DCUN1D3: variants seen among roughly 807,000 people sequenced by gnomAD.
The protein encoded by DCUN1D3 is defective in cullin neddylation 1 domain containing 3.
In DCUN1D3, 6 loss-of-function variants were observed where a neutral mutation model predicts 24.8. The ratio of observed to expected loss-of-function variants is 0.24; its 90% confidence interval spans 0.13 to 0.48. The LOEUF (loss-of-function observed/expected upper bound fraction) is 0.48. Among genes scored for constraint, DCUN1D3 ranks in the 20% least tolerant of loss-of-function variants. The pLI, the probability that DCUN1D3 is intolerant of heterozygous loss-of-function variation, is 0.99. For missense variants in DCUN1D3, 258 were observed against 379.4 expected (o/e 0.68, Z 2.66); for synonymous variants, 120 against 144.9 (o/e 0.83, Z 1.24).
At chr16:20,878,989 C>T (rs1442018353) in intron 1 of DCUN1D3, among the ~76,000 whole-genome samples, 3 of 152,192 alleles carry the variant, frequency 2.0e-5, no homozygotes, top group Admixed American at 6.5e-5. Flanking sequence ...TTCTGCTTAA[C>T]CATGTGAAAC....
Position 20,855,296 on chromosome 16 carries a change from A to T in DCUN1D3, c.*4590T>A, listed in dbSNP as rs1409615620. The T allele has an allele frequency of 1.3e-5, 2 of 152,272 alleles. No individual in the cohort carries two copies. Among genetic ancestry groups the T allele is most frequent in the African/African-American group, 4.8e-5 (2 of 41,464 alleles). 9.4% of individuals were successfully genotyped at this position (152,272 alleles called of 1,614,324 possible). ...CCTTTAAAACCTAGTCATATTCATT[A>T]GTGCAACAGGTAAGAGCAATTAAGC... is the stretch of plus-strand genomic sequence containing the variant. On this transcript the variant is annotated 3_prime_UTR_variant, in exon 3 of 3. Transcript: ENST00000324344.
rs185641606 is a variant in DCUN1D3 at position 20,889,376 on chromosome 16, A to G, written c.-106+10828T>C. On this transcript the variant is annotated intron_variant, in intron 1 of 2. Transcript: ENST00000324344. Reference sequence around the variant, plus strand: ...CACTGCACTCCAGGCTGGGCAACAGAGTGAAGAAAAAAAAAAAAGGTAACA... The same window carrying G: ...CACTGCACTCCAGGCTGGGCAACAGGGTGAAGAAAAAAAAAAAAGGTAACA... Among the ~76,000 whole-genome samples the G allele has an allele frequency of 3.6e-3, 554 of 152,118 alleles. 3 individuals are homozygous for G. The highest frequency in any genetic ancestry group is 0.012 in the African/African-American group (513 of 41,482).
chr16:20,862,245 G>A lies in DCUN1D3; in HGVS notation c.294C>T (p.Tyr98=). 1 of 1,614,218 alleles carries A rather than the reference G, an allele frequency of 6.2e-7. No homozygotes were observed. The highest frequency in any genetic ancestry group is 1.1e-5 in the South Asian group (1 of 91,090). ...AAATTGCATCTTCCCGCTCATCCTTGTAGCGCCTGAACAGTTCTTCCAATC... is the reference window on the plus strand; with the variant it reads ...AAATTGCATCTTCCCGCTCATCCTTATAGCGCCTGAACAGTTCTTCCAATC... ...LQRLEELFRR[Y]KDEREDAILE... The change falls in exon 2 of 3, where the codon TAC becomes TAT. Residue 98 remains tyrosine, a synonymous_variant. Transcript: ENST00000324344.
At chr16:20,864,970 T>C (rs1351469520) in intron 1 of DCUN1D3, among the ~76,000 whole-genome samples, 2 of 151,970 alleles carry the variant, frequency 1.3e-5, no homozygotes, top group Admixed American at 6.6e-5. Flanking sequence ...CAACAGAAAC[T>C]GGGGTCTACT....
At chr16:20,886,064 GAA>G (rs34484157) in intron 1 of DCUN1D3, among the ~76,000 whole-genome samples, 9 of 136,512 alleles carry the variant, frequency 6.6e-5, no homozygotes, top group African/African-American at 1.4e-4. Flanking sequence ...TTTTTTCATT[GAA>G]AAAAAAAAAA....
intron 1 of DCUN1D3, among the ~76,000 whole-genome samples, chr16:20,893,045 G>A (rs946676023): frequency 4.6e-5 from 7 of 152,140 alleles, no homozygotes; most frequent in Admixed American, 6.5e-5. Flanking sequence ...AAACTTTATC[G>A]GGTGCCTACA....
chr16:20,894,748 G>A (rs1290687069), intron 1 of DCUN1D3, among the ~76,000 whole-genome samples: 1 of 152,196 alleles, frequency 6.6e-6, no homozygotes, highest in African/African-American at 2.4e-5. Context: ...TGCCACAAGA[G>A]CTAATCACCA....
At chr16:20,889,029 A>T (rs1360030694) in intron 1 of DCUN1D3, among the ~76,000 whole-genome samples, 1 of 152,148 alleles carries the variant, frequency 6.6e-6, no homozygotes, top group Non-Finnish European at 1.5e-5. Flanking sequence ...GGAATTCGAG[A>T]CCAGTCTGGC....
At chr16:20,874,450 T>C (rs1043640657) in intron 1 of DCUN1D3, among the ~76,000 whole-genome samples, 3 of 152,222 alleles carry the variant, frequency 2.0e-5, no homozygotes, top group African/African-American at 7.2e-5. Flanking sequence ...TGTGTACATA[T>C]TTGCTGTCAT....
chr16:20,897,633 T>G (rs949053436), intron 1 of DCUN1D3, among the ~76,000 whole-genome samples: 1 of 152,186 alleles, frequency 6.6e-6, no homozygotes, highest in African/African-American at 2.4e-5. Context: ...AGTCCTTAAA[T>G]TCATACAGAG....
Position 20,879,342 on chromosome 16 carries a change from T to C in DCUN1D3, c.-105-16699A>G, listed in dbSNP as rs539665629. Among the ~76,000 whole-genome samples the C allele has an allele frequency of 5.3e-5, 8 of 152,308 alleles. No homozygotes were observed. The South Asian group carries it at 1.7e-3, about 32-fold the overall frequency. On this transcript the variant is annotated intron_variant, in intron 1 of 2. Coordinates refer to ENST00000324344, the MANE Select transcript of DCUN1D3 (RefSeq NM_173475.4). ...GTCAAATGATGGAAAACCAAACTGA[T>C]ACCCCTCTTGTGTTTGTTTCAGCAG...
At chr16:20,890,304 A>C (rs1404952885) in intron 1 of DCUN1D3, among the ~76,000 whole-genome samples, 11 of 152,080 alleles carry the variant, frequency 7.2e-5, no homozygotes, top group Admixed American at 3.9e-4. Context: ...TGGCATCTGA[A>C]GTGGGGCAAT....
chr16:20,879,345 C>T lies in DCUN1D3; in HGVS notation c.-105-16702G>A, dbSNP rs371343872. Reference sequence around the variant, plus strand: ...AAATGATGGAAAACCAAACTGATACCCCTCTTGTGTTTGTTTCAGCAGTGG... The same window carrying T: ...AAATGATGGAAAACCAAACTGATACTCCTCTTGTGTTTGTTTCAGCAGTGG... On this transcript the variant is annotated intron_variant, in intron 1 of 2. Coordinates refer to ENST00000324344, the MANE Select transcript of DCUN1D3 (RefSeq NM_173475.4). 3.9e-5 allele frequency among the ~76,000 whole-genome samples: 6 copies of T among 152,104 alleles called. No homozygotes were observed. In the South Asian group the frequency reaches 6.2e-4, roughly 16 times the overall value.
intron 1 of DCUN1D3, among the ~76,000 whole-genome samples, chr16:20,892,745 G>T (rs2081897744): frequency 6.6e-6 from 1 of 152,098 alleles, no homozygotes. Flanking sequence ...TGACCATTTT[G>T]GGGTTGGTTT....
At chr16:20,878,938 A>G (rs1161809659) in intron 1 of DCUN1D3, among the ~76,000 whole-genome samples, 3 of 152,238 alleles carry the variant, frequency 2.0e-5, no homozygotes, top group Non-Finnish European at 2.9e-5. Flanking sequence ...CTGAGAAAGC[A>G]AAGGGCAGAT....
At chr16:20,891,979 G>A (rs1253824908) in intron 1 of DCUN1D3, among the ~76,000 whole-genome samples, 1 of 152,054 alleles carries the variant, frequency 6.6e-6, no homozygotes, top group African/African-American at 2.4e-5. Context: ...CCACTGATGG[G>A]CTTTTCTCCC....
At position 20,860,315 on chromosome 16, in the gene DCUN1D3, G is replaced by A. The variant is rs1224069734; in HGVS notation, c.486C>T (p.Ile162=). Residue 162 remains isoleucine, a synonymous_variant, in exon 3 of 3, where the codon ATC becomes ATT. Coordinates refer to ENST00000324344, the MANE Select transcript of DCUN1D3 (RefSeq NM_173475.4). This position sits in a 1 kb window ranked among gnomAD's most constrained non-coding sequence, Gnocchi z 4.3. The part of the protein sequence containing the change: ...KAISADSIDG[I]CARFPSLLTE... ...TTAAGAGGCTAGGGAACCGTGCACAGATTCCGTCAATGCTGTCTGCACTTA... is the reference window on the plus strand; with the variant it reads ...TTAAGAGGCTAGGGAACCGTGCACAAATTCCGTCAATGCTGTCTGCACTTA... The A allele has an allele frequency of 1.1e-5, 18 of 1,614,050 alleles. No individual in the cohort carries two copies. Among genetic ancestry groups the A allele is most frequent in the Non-Finnish European group, 1.4e-5 (17 of 1,180,014 alleles).
chr16:20,880,613 A>C (rs2081838419), intron 1 of DCUN1D3, among the ~76,000 whole-genome samples: 1 of 148,248 alleles, frequency 6.7e-6, no homozygotes, highest in Non-Finnish European at 1.5e-5. Context: ...TCAAAAAAAA[A>C]AAAAAAAAAA....
At position 20,862,130 on chromosome 16, in the gene DCUN1D3, C is replaced by A. The variant is rs746642001; in HGVS notation, c.409G>T (p.Ala137Ser). The change falls in exon 2 of 3, where the codon GCA becomes TCA. Residue 137 changes from alanine (A) to serine (S), a missense_variant. Transcript: ENST00000324344. ...VLLLAWKFQA[A>S]TMCKFTRKEF... ...AACCTGGTGAATTTGCACATGGTTGCAGCCTGGAACTTCCAAGCCAAGAGC... is the reference window on the plus strand; with the variant it reads ...AACCTGGTGAATTTGCACATGGTTGAAGCCTGGAACTTCCAAGCCAAGAGC... The A allele has an allele frequency of 3.7e-6, 6 of 1,614,160 alleles. No individual in the cohort carries two copies. Among genetic ancestry groups the A allele is most frequent in the East Asian group, 2.2e-5 (1 of 44,884 alleles).
Sources: gnomAD v4.1 joint callset for allele counts (sites outside exome capture counted in the v4.1 genomes callset) on GRCh38, gnomAD v4.1.1 for gene constraint, Gnocchi (gnomAD v3.1) non-coding constraint, MANE v1.5 for transcripts, NCBI Gene and HGNC (gene_info 2026-07-23, HGNC 2026-07-21) for gene names.